LNX1: variants seen among roughly 807,000 people sequenced by gnomAD.
The protein encoded by LNX1 is E3 ubiquitin-protein ligase LNX.
In LNX1, 54 loss-of-function variants were observed where a neutral mutation model predicts 68.4. That is an observed-to-expected ratio of 0.79 (90% CI 0.63 to 0.99). The LOEUF (loss-of-function observed/expected upper bound fraction) is 0.99. Among genes scored for constraint, LNX1 ranks in the 50% least tolerant of loss-of-function variants. LNX1 has a pLI of 0.00. For missense variants in LNX1, 906 were observed against 926.4 expected, an observed-to-expected ratio of 0.98 and a Z score of 0.29; for synonymous variants, 336 against 350.0, an observed-to-expected ratio of 0.96 and a Z score of 0.45.
intron 2 of LNX1, among the ~76,000 whole-genome samples, chr4:53,561,633 A>C (rs1438806278): frequency 6.6e-6 from 1 of 152,248 alleles, no homozygotes; most frequent in Admixed American, 6.5e-5. Flanking sequence ...CAGACGATCC[A>C]GGTTAGACCT....
chr4:53,569,891 C>T (rs1731013670), intron 2 of LNX1, among the ~76,000 whole-genome samples: 1 of 149,312 alleles, frequency 6.7e-6, no homozygotes, highest in South Asian at 2.2e-4. Context: ...GACATTTATG[C>T]AGCCAAAAAA....
At position 53,545,802 on chromosome 4, in the gene LNX1, ATTTT is replaced by A. The variant is rs71197029; in HGVS notation, c.380+27817_380+27820del. Among the ~76,000 whole-genome samples, 604 of 111,598 alleles carry A rather than the reference ATTTT, an allele frequency of 5.4e-3. 3 individuals carry two copies. Among genetic ancestry groups the A allele is most frequent in the South Asian group, 0.02 (66 of 3,266 alleles). The allele number at this position is 111,598 out of a possible 152,430, so 73.2% of individuals were successfully genotyped here. ...AGATTTGAATGACTTCAGAGGCCAC[ATTTT>A]TTTTTTTTTTTTTTTTTTTGAGACA... On this transcript the variant is annotated intron_variant, in intron 2 of 10. Coordinates refer to ENST00000263925, the MANE Select transcript of LNX1 (RefSeq NM_001126328.3).
intron 1 of LNX1, among the ~76,000 whole-genome samples, chr4:53,588,850 G>A (rs577528967): frequency 1.3e-5 from 2 of 152,262 alleles, no homozygotes; most frequent in South Asian, 4.1e-4. Flanking sequence ...GAGACCCAGA[G>A]AAGTGACCAG....
chr4:53,651,906 G>C (rs1735112328), intron 1 of LNX1, among the ~76,000 whole-genome samples: 1 of 152,114 alleles, frequency 6.6e-6, no homozygotes, highest in Non-Finnish European at 1.5e-5. Flanking sequence ...GAAGGCCACT[G>C]CAGAAAAAAA....
chr4:53,464,393 TA>T (rs1157215942), intron 9 of LNX1, among the ~76,000 whole-genome samples: 1 of 134,920 alleles, frequency 7.4e-6, no homozygotes, highest in Non-Finnish European at 1.6e-5. Flanking sequence ...ACTTTATCGT[TA>T]AATAAAAAAT....
intron 2 of LNX1, among the ~76,000 whole-genome samples, chr4:53,522,764 T>G (rs1402925344): frequency 6.6e-6 from 1 of 152,128 alleles, no homozygotes; most frequent in Non-Finnish European, 1.5e-5. Flanking sequence ...GAAAATATTA[T>G]CCAGCCTGGG....
chr4:53,557,727 T>C, intron 2 of LNX1: 1 of 888,984 alleles, frequency 1.1e-6, no homozygotes. Context: ...AGCATGCCGT[T>C]TTAAACTGCT....
chr4:53,520,126 G>A (rs1444232809), intron 2 of LNX1, among the ~76,000 whole-genome samples: 3 of 152,160 alleles, frequency 2.0e-5, no homozygotes, highest in African/African-American at 7.2e-5. Flanking sequence ...CCCAGTGTGC[G>A]CTCATCTGGT....
chr4:53,484,431 C>G (rs758871759), intron 6 of LNX1, among the ~76,000 whole-genome samples: 36 of 152,176 alleles, frequency 2.4e-4, no homozygotes, highest in South Asian at 4.2e-4. Flanking sequence ...GTCGTGGTGG[C>G]AGGCACCTAT....
chr4:53,556,935 GTAATTTACACA>G (rs948129861), intron 2 of LNX1, among the ~76,000 whole-genome samples: 11 of 152,182 alleles, frequency 7.2e-5, no homozygotes, highest in Non-Finnish European at 4.4e-5. Flanking sequence ...CCCACTGACT[GTAATTTACACA>G]TAAGCCAACT....
chr4:53,566,494 G>C (rs1390951134), intron 2 of LNX1, among the ~76,000 whole-genome samples: 1 of 150,720 alleles, frequency 6.6e-6, no homozygotes, highest in East Asian at 1.9e-4. Flanking sequence ...AGCTCCTGAA[G>C]GAAGCGCTAA....
chr4:53,577,411 C>T (rs1464281187), intron 1 of LNX1, among the ~76,000 whole-genome samples: 1 of 152,116 alleles, frequency 6.6e-6, no homozygotes, highest in Non-Finnish European at 1.5e-5. Context: ...GAAAATACAA[C>T]TGCATGTTTC....
intron 2 of LNX1, among the ~76,000 whole-genome samples, chr4:53,536,358 G>A (rs1313425276): frequency 2.6e-5 from 4 of 151,958 alleles, no homozygotes; most frequent in Non-Finnish European, 5.9e-5. Flanking sequence ...TTACACAAAC[G>A]CCACACACAG....
intron 1 of LNX1, among the ~76,000 whole-genome samples, chr4:53,627,444 G>T (rs1334738413): frequency 2.0e-5 from 3 of 152,084 alleles, no homozygotes; most frequent in African/African-American, 7.2e-5. Context: ...AAATAACTTG[G>T]GTTGACTCTC....
chr4:53,527,976 T>C (rs1727745451), intron 2 of LNX1, among the ~76,000 whole-genome samples: 1 of 152,228 alleles, frequency 6.6e-6, no homozygotes, highest in African/African-American at 2.4e-5. Context: ...CACAAACTAA[T>C]ATTTTTGAGC....
chr4:53,504,951 T>C (rs868616423), intron 4 of LNX1, among the ~76,000 whole-genome samples: 1 of 152,106 alleles, frequency 6.6e-6, no homozygotes, highest in South Asian at 2.1e-4. Flanking sequence ...GATATAATAA[T>C]GAAAAAGTTT....
chr4:53,535,527 A>G (rs887567534), intron 2 of LNX1, among the ~76,000 whole-genome samples: 1 of 103,098 alleles, frequency 9.7e-6, no homozygotes, highest in African/African-American at 3.3e-5. Context: ...ATTATTTTTT[A>G]TGGCTAGATT....
chr4:53,550,050 A>G (rs1289030180), intron 2 of LNX1, among the ~76,000 whole-genome samples: 1 of 152,232 alleles, frequency 6.6e-6, no homozygotes, highest in Non-Finnish European at 1.5e-5. Flanking sequence ...CTGGCAAAAA[A>G]GAATTTGCTA....
intron 6 of LNX1, among the ~76,000 whole-genome samples, chr4:53,489,876 TA>T (rs1300336374): frequency 6.6e-6 from 1 of 152,168 alleles, no homozygotes; most frequent in East Asian, 1.9e-4. Context: ...AATTCCAGAT[TA>T]AGTGTACTGA....
Sources: allele counts gnomAD v4.1 joint callset (sites outside exome capture counted in the v4.1 genomes callset), GRCh38; gene constraint gnomAD v4.1.1; transcripts MANE v1.5; gene names NCBI Gene and HGNC (gene_info 2026-07-23, HGNC 2026-07-21).